The following WDFY1 variants were observed in gnomAD, a reference collection of about 807,000 sequenced individuals.
The protein encoded by WDFY1 is WD repeat and FYVE domain-containing protein 1.
In WDFY1, 32 loss-of-function variants were observed where a neutral mutation model predicts 56.4. That is an observed-to-expected ratio of 0.57 (90% confidence interval 0.43 to 0.76). The LOEUF (loss-of-function observed/expected upper bound fraction) is 0.76. Among genes scored for constraint, WDFY1 ranks in the 30% least tolerant of loss-of-function variants. The probability of loss-of-function intolerance (pLI) is 0.00; values close to 1 mark genes in which losing one functional copy is unlikely to be tolerated. For synonymous variants in WDFY1, 192 were observed against 197.3 expected (o/e 0.97, Z 0.23); for missense variants, 480 against 545.7 (o/e 0.88, Z 1.20).
rs1022308935 is a variant in WDFY1 at position 223,876,182 on chromosome 2, T to C, written c.*2489A>G. On this transcript the variant is annotated 3_prime_UTR_variant, in exon 12 of 12. Transcript: ENST00000233055. ...ACCACATATATACTAGATGTAAATA[T>C]AAGGATCTTCTCTAATAGTCTGTAT... 4 of 152,522 alleles carry C rather than the reference T, an allele frequency of 2.6e-5. No individual in the cohort carries two copies. The highest frequency in any genetic ancestry group is 4.4e-5 in the Non-Finnish European group (3 of 68,018). The allele number at this position is 152,522 out of a possible 1,614,324, so 9.4% of individuals were successfully genotyped here.
chr2:223,891,397 C>CAAAAAAAAAAAAAAA (rs1693274658), intron 8 of WDFY1, among the ~76,000 whole-genome samples: 2 of 20,766 alleles, frequency 9.6e-5, no homozygotes, highest in African/African-American at 1.4e-4. Context: ...AAAAAAAAAG[C>CAAAAAAAAAAAAAAA]CCAAAAATCC....
At chr2:223,890,556 G>A (rs879801366) in intron 8 of WDFY1, among the ~76,000 whole-genome samples, 9 of 152,170 alleles carry the variant, frequency 5.9e-5, no homozygotes, top group Non-Finnish European at 1.3e-4. Flanking sequence ...GCATTACACT[G>A]TAAGCTAACA....
At chr2:223,919,314 G>A (rs1383903397) in intron 1 of WDFY1, among the ~76,000 whole-genome samples, 1 of 152,144 alleles carries the variant, frequency 6.6e-6, no homozygotes, top group South Asian at 2.1e-4. Context: ...GGGTTCAAGG[G>A]ATTCTCCTGC....
intron 1 of WDFY1, among the ~76,000 whole-genome samples, chr2:223,936,680 AC>A (rs1297238492): frequency 4.6e-5 from 7 of 151,994 alleles, no homozygotes; most frequent in Non-Finnish European, 8.8e-5. Context: ...TCCAGAGGGG[AC>A]CTCACCATTC....
intron 1 of WDFY1, among the ~76,000 whole-genome samples, chr2:223,926,680 ATTT>A (rs1233462436): frequency 6.9e-6 from 1 of 145,696 alleles, no homozygotes; most frequent in Admixed American, 6.9e-5. Context: ...GTGTATGTGT[ATTT>A]TTGAAACAGA....
At chr2:223,912,782 T>C (rs1263845475) in intron 2 of WDFY1, among the ~76,000 whole-genome samples, 1 of 152,220 alleles carries the variant, frequency 6.6e-6, no homozygotes, top group Non-Finnish European at 1.5e-5. Context: ...GAGGTGCAGA[T>C]ATATGGCATA....
chr2:223,924,654 G>A (rs368819688), intron 1 of WDFY1, among the ~76,000 whole-genome samples: 70 of 152,234 alleles, frequency 4.6e-4, no homozygotes, highest in African/African-American at 1.4e-3. Flanking sequence ...GTGAGCCACC[G>A]CACCTGGCCC....
intron 5 of WDFY1, among the ~76,000 whole-genome samples, chr2:223,900,373 A>C (rs571324253): frequency 6.6e-6 from 1 of 152,334 alleles, no homozygotes; most frequent in Non-Finnish European, 1.5e-5. Flanking sequence ...ATTTTAAAGA[A>C]AGGCTTTCAA....
chr2:223,932,868 GAA>G (rs71727456), intron 1 of WDFY1, among the ~76,000 whole-genome samples: 3 of 145,514 alleles, frequency 2.1e-5, no homozygotes, highest in Admixed American at 1.4e-4. Context: ...GGGGATACAG[GAA>G]AAAAAAAAAG....
Position 223,945,206 on chromosome 2 carries a change from C to T in WDFY1, c.79G>A (p.Val27Ile), listed in dbSNP as rs1194633101. The T allele has an allele frequency of 1.3e-6, 2 of 1,599,088 alleles. No individual in the cohort carries two copies. Among genetic ancestry groups the T allele is most frequent in the Admixed American group, 3.4e-5 (2 of 59,448 alleles). The change falls in exon 1 of 12, where the codon GTC becomes ATC. Residue 27 changes from valine to isoleucine, a missense_variant. Transcript: ENST00000233055. ...LSKIEGHQDA[V>I]TAALLIPKED... ...TTGGGGATGAGCAGCGCGGCCGTGACGGCGTCCTGGTGCCCCTCGATCTTG... is the reference window on the plus strand; with the variant it reads ...TTGGGGATGAGCAGCGCGGCCGTGATGGCGTCCTGGTGCCCCTCGATCTTG...
At chr2:223,912,426 G>A in intron 2 of WDFY1, 100 bp from the exon 3 acceptor site, 2 of 913,448 alleles carry the variant, frequency 2.2e-6, no homozygotes, top group African/African-American at 1.7e-5. Flanking sequence ...TATAATTTAG[G>A]TTCACAGAAA....
intron 1 of WDFY1, among the ~76,000 whole-genome samples, chr2:223,932,992 T>G (rs1310271130): frequency 6.6e-6 from 1 of 152,058 alleles, no homozygotes; most frequent in African/African-American, 2.4e-5. Context: ...AATAGCAATT[T>G]CCTTCCAACG....
rs537129991 is a variant in WDFY1 at position 223,931,097 on chromosome 2, G to A, written c.138-13087C>T. On this transcript the variant is annotated intron_variant, in intron 1 of 11. Transcript: ENST00000233055. Reference sequence around the variant, plus strand: ...CCTTTAAGAACCATAGGAATCTGAGGTTAAAATTAAAAATAAAAAGCATTT... The same window carrying A: ...CCTTTAAGAACCATAGGAATCTGAGATTAAAATTAAAAATAAAAAGCATTT... Among the ~76,000 whole-genome samples the A allele has an allele frequency of 2.0e-5, 3 of 152,302 alleles. No homozygotes were observed. In the South Asian group the frequency reaches 6.2e-4, roughly 32 times the overall value.
rs1205991171 is a variant in WDFY1 at position 223,876,869 on chromosome 2, G to A, written c.*1802C>T. On this transcript the variant is annotated 3_prime_UTR_variant, in exon 12 of 12. Transcript: ENST00000233055. ...CTAGGATAGCACCTTTGTATGGGCT[G>A]AACCATTAACTGAACTAAAATTAAT... 1.3e-5 allele frequency: 2 copies of A among 152,136 alleles called. No homozygotes were observed. Among genetic ancestry groups the A allele is most frequent in the Non-Finnish European group, 2.9e-5 (2 of 68,026 alleles). The allele number at this position is 152,136 out of a possible 1,614,324, so 9.4% of individuals were successfully genotyped here.
intron 9 of WDFY1, among the ~76,000 whole-genome samples, chr2:223,882,646 A>T (rs1559161742): frequency 3.3e-5 from 5 of 152,332 alleles, no homozygotes; most frequent in East Asian, 1.9e-4. Context: ...TTAACAACAA[A>T]TTTAGTTCAT....
At chr2:223,920,709 G>C (rs1462820405) in intron 1 of WDFY1, among the ~76,000 whole-genome samples, 1 of 152,188 alleles carries the variant, frequency 6.6e-6, no homozygotes, top group East Asian at 1.9e-4. Flanking sequence ...GGAGAAAATG[G>C]AGCTCAAAGT....
chr2:223,940,106 G>C (rs569125055), intron 1 of WDFY1, among the ~76,000 whole-genome samples: 127 of 152,308 alleles, frequency 8.3e-4, no homozygotes, highest in African/African-American at 2.9e-3. Context: ...GGATCACGAG[G>C]TTTGGAGTTC....
intron 1 of WDFY1, among the ~76,000 whole-genome samples, chr2:223,935,388 T>C (rs1440654921): frequency 1.3e-5 from 2 of 152,184 alleles, no homozygotes; most frequent in African/African-American, 4.8e-5. Flanking sequence ...AATAAAGAGA[T>C]TATTTCACCA....
chr2:223,924,370 T>G (rs1228362594), intron 1 of WDFY1, among the ~76,000 whole-genome samples: 2 of 152,146 alleles, frequency 1.3e-5, no homozygotes, highest in Non-Finnish European at 2.9e-5. Context: ...TACCATCACT[T>G]TATTTATTTA....
Sources: gnomAD v4.1 joint callset for allele counts (sites outside exome capture counted in the v4.1 genomes callset) on GRCh38, gnomAD v4.1.1 for gene constraint, MANE v1.5 for transcripts, NCBI Gene and HGNC (gene_info 2026-07-23, HGNC 2026-07-21) for gene names.